Variants in RUSC2 observed in about 807,000 individuals in gnomAD.
RUSC2 encodes the protein RUN and SH3 domain containing 2.
A neutral mutation model predicts 122.2 loss-of-function variants in RUSC2; 34 were observed. The observed-to-expected ratio is 0.28, with a 90% CI of 0.21 to 0.37. The LOEUF (loss-of-function observed/expected upper bound fraction) is 0.37. Among genes scored for constraint, RUSC2 ranks in the 10% least tolerant of loss-of-function variants. The probability of loss-of-function intolerance (pLI) is 1.00; values close to 1 mark genes in which losing one functional copy is unlikely to be tolerated. For synonymous variants in RUSC2, 784 were observed against 790.0 expected (o/e 0.99, Z 0.13); for missense variants, 1,747 against 1,952.4 (o/e 0.89, Z 1.98).
intron 1 of RUSC2, among the ~76,000 whole-genome samples, chr9:35,504,026 C>T (rs572503340): frequency 2.6e-5 from 4 of 152,250 alleles, no homozygotes; most frequent in Admixed American, 6.5e-5. Flanking sequence ...CTGCCCGCCT[C>T]GGCCTGCCAA....
intron 1 of RUSC2, among the ~76,000 whole-genome samples, chr9:35,526,736 G>A (rs1222567061): frequency 6.6e-6 from 1 of 152,174 alleles, no homozygotes; most frequent in East Asian, 1.9e-4. Context: ...CTGGGATGGT[G>A]CCACTGCAGC....
chr9:35,504,291 A>G (rs548755381), intron 1 of RUSC2, among the ~76,000 whole-genome samples: 2 of 152,276 alleles, frequency 1.3e-5, no homozygotes, highest in South Asian at 4.1e-4. Context: ...ACTTGCCTTC[A>G]CCAGAATTAA....
chr9:35,556,552 C>CTCTAAGTGCTGGCTGGGCCCTCTA, intron 5 of RUSC2, 104 bp downstream of exon 5: 1 of 1,338,420 alleles, frequency 7.5e-7, no homozygotes. Flanking sequence ...TGGCTGGGCC[C>CTCTAAGTGCTGGCTGGGCCCTCTA]AGTGGCTCAC....
chr9:35,545,060 C>A (rs1821717980), intron 1 of RUSC2, among the ~76,000 whole-genome samples: 1 of 152,152 alleles, frequency 6.6e-6, no homozygotes, highest in African/African-American at 2.4e-5. Context: ...TATTTTAATA[C>A]CTTGTCCCTT....
intron 1 of RUSC2, among the ~76,000 whole-genome samples, chr9:35,532,528 T>G (rs543207453): frequency 5.3e-5 from 8 of 152,312 alleles, no homozygotes; most frequent in Non-Finnish European, 1.2e-4. Flanking sequence ...GCAGATCACT[T>G]GAGCTCAGGA....
chr9:35,551,549 A>G (rs1821896040), intron 2 of RUSC2, among the ~76,000 whole-genome samples: 2 of 152,174 alleles, frequency 1.3e-5, no homozygotes, highest in Admixed American at 1.3e-4. Context: ...GTGGGATACT[A>G]TGACTGGCAT....
chr9:35,508,762 G>A (rs1443682821), intron 1 of RUSC2, among the ~76,000 whole-genome samples: 1 of 152,100 alleles, frequency 6.6e-6, no homozygotes, highest in Non-Finnish European at 1.5e-5. Flanking sequence ...CGAAATTCTG[G>A]AGCCACTACA....
At chr9:35,496,613 A>G (rs927163638) in intron 1 of RUSC2, among the ~76,000 whole-genome samples, 1 of 152,154 alleles carries the variant, frequency 6.6e-6, no homozygotes, top group African/African-American at 2.4e-5. Flanking sequence ...TTCCCATAAG[A>G]GTTGTTATGA....
chr9:35,505,045 G>A (rs1186370952), intron 1 of RUSC2, among the ~76,000 whole-genome samples: 1 of 152,082 alleles, frequency 6.6e-6, no homozygotes, highest in Non-Finnish European at 1.5e-5. Flanking sequence ...TTGTTATGAA[G>A]TTAGATCTTA....
At chr9:35,522,791 A>G (rs887034315) in intron 1 of RUSC2, among the ~76,000 whole-genome samples, 5 of 152,374 alleles carry the variant, frequency 3.3e-5, no homozygotes, top group African/African-American at 1.2e-4. Context: ...GGAATCAATC[A>G]TGCAGTCTGA....
chr9:35,496,734 A>G (rs1226588284), intron 1 of RUSC2, among the ~76,000 whole-genome samples: 1 of 152,104 alleles, frequency 6.6e-6, no homozygotes, highest in Non-Finnish European at 1.5e-5. Context: ...TTCCAGGAGT[A>G]CTCCTTCAAC....
In RUSC2 at chr9:35,525,572, G is replaced by T. The variant is rs140500768; in HGVS notation, c.-92-20858G>T. On this transcript the variant is annotated intron_variant, in intron 1 of 11. Coordinates refer to ENST00000361226, the MANE Select transcript of RUSC2 (RefSeq NM_014806.5). ...CCCAGCACTGTGGGAGGCCGAGGCA[G>T]GCGGATCACCTGAGGCCAGGAGTTC... Among the ~76,000 whole-genome samples, 640 of 152,210 alleles carry T rather than the reference G, an allele frequency of 4.2e-3. 4 individuals are homozygous for T. The highest frequency in any genetic ancestry group is 0.015 in the African/African-American group (604 of 41,522).
chr9:35,525,781 C>T (rs901367856), intron 1 of RUSC2, among the ~76,000 whole-genome samples: 4 of 152,072 alleles, frequency 2.6e-5, no homozygotes, highest in Non-Finnish European at 4.4e-5. Flanking sequence ...CAAGCCTCAG[C>T]CACCTTTAAA....
Position 35,490,994 on chromosome 9 carries a change from A to G in RUSC2, c.-93+822A>G, listed in dbSNP as rs138080549. On this transcript the variant is annotated intron_variant, in intron 1 of 11. Coordinates refer to ENST00000361226, the MANE Select transcript of RUSC2 (RefSeq NM_014806.5). Reference sequence around the variant, plus strand: ...ACCAGTTGTCCTTTGCGTTTTGAACAAGTAATTGAGCAGCGGAGGAATGAA... The same window carrying G: ...ACCAGTTGTCCTTTGCGTTTTGAACGAGTAATTGAGCAGCGGAGGAATGAA... 6.8e-3 allele frequency among the ~76,000 whole-genome samples: 1,030 copies of G among 152,132 alleles called. 16 individuals carry two copies. Among genetic ancestry groups the G allele is most frequent in the African/African-American group, 0.024 (989 of 41,488 alleles).
At position 35,490,161 on chromosome 9, in the gene RUSC2, G is replaced by A. The variant is rs115645264; in HGVS notation, c.-104G>A. 2,677 of 155,708 alleles carry A rather than the reference G, an allele frequency of 0.017. 93 individuals are homozygous for A. Among genetic ancestry groups the A allele is most frequent in the African/African-American group, 0.061 (2,556 of 41,580 alleles). The allele number at this position is 155,708 out of a possible 1,614,324, so 9.6% of individuals were successfully genotyped here. A position where few individuals can be genotyped will look rare whatever the true frequency, so the allele number is the denominator to read the frequency against. On this transcript the variant is annotated 5_prime_UTR_variant, in exon 1 of 12. Transcript: ENST00000361226. Reference sequence around the variant, plus strand: ...GCCGGCGCGGAAGGACGAGGCTGAGGCGAGAAACGAGGTAGGAACGCCTCT... The same window carrying A: ...GCCGGCGCGGAAGGACGAGGCTGAGACGAGAAACGAGGTAGGAACGCCTCT...
chr9:35,493,319 C>T (rs1820605269), intron 1 of RUSC2, among the ~76,000 whole-genome samples: 1 of 152,080 alleles, frequency 6.6e-6, no homozygotes, highest in South Asian at 2.1e-4. Flanking sequence ...TGATCTCATT[C>T]TTTTTTATGG....
Position 35,560,372 on chromosome 9 carries a change from A to G in RUSC2, c.3732A>G (p.Glu1244=), listed in dbSNP as rs375405168. Residue 1244 remains glutamate (E), a synonymous_variant, in exon 10 of 12, where the codon GAA becomes GAG. Transcript: ENST00000361226. ...AAGGTGGAGAAGAGGAAGAGGAAGAAGAGGAGACAGAAGAGGTGGCAGAGG... is the reference window on the plus strand; with the variant it reads ...AAGGTGGAGAAGAGGAAGAGGAAGAGGAGGAGACAGAAGAGGTGGCAGAGG... ...ASEGGEEEEE[E]EETEEVAEAA... The G allele has an allele frequency of 7.4e-6, 12 of 1,613,426 alleles. No individual in the cohort carries two copies. The highest frequency in any genetic ancestry group is 1.0e-5 in the Non-Finnish European group (12 of 1,179,776).
chr9:35,548,299 G>C lies in RUSC2; in HGVS notation c.1778G>C (p.Cys593Ser). The change falls in exon 2 of 12, where the codon TGT (cysteine) becomes TCT (serine). Residue 593 changes from cysteine to serine, a missense_variant. Transcript: ENST00000361226. The surrounding 1 kb of genome is among the most constrained non-coding windows in gnomAD (Gnocchi z 4.5). ...GCCCCACTGGATGAGGGCACTTGCT[G>C]TAGCCATAGCCTGCCACCCATGCCT... ...RGAPLDEGTCCSHSLPPMPLG... is the reference protein window; with the variant it reads ...RGAPLDEGTCSSHSLPPMPLG... 1 of 1,614,024 alleles carries C rather than the reference G, an allele frequency of 6.2e-7. No homozygotes were observed. Among genetic ancestry groups the C allele is most frequent in the Non-Finnish European group, 8.5e-7 (1 of 1,180,026 alleles).
At chr9:35,520,131 C>T (rs1396563666) in intron 1 of RUSC2, among the ~76,000 whole-genome samples, 1 of 152,182 alleles carries the variant, frequency 6.6e-6, no homozygotes, top group Non-Finnish European at 1.5e-5. Context: ...TTGCTGCCAC[C>T]TGCGAGTGAG....
Sources: gnomAD v4.1 joint callset for allele counts (sites outside exome capture counted in the v4.1 genomes callset) on GRCh38, gnomAD v4.1.1 for gene constraint, Gnocchi (gnomAD v3.1) non-coding constraint, MANE v1.5 for transcripts, NCBI Gene and HGNC (gene_info 2026-07-23, HGNC 2026-07-21) for gene names.